The following DLGAP1 variants were observed in gnomAD, a reference collection of about 807,000 sequenced individuals.
DLGAP1 encodes DLG associated protein 1.
DLGAP1 carries 11 observed loss-of-function variants against 90.8 expected under a neutral mutation model. The ratio of observed to expected loss-of-function variants is 0.12; its 90% confidence interval spans 0.08 to 0.20. The LOEUF (loss-of-function observed/expected upper bound fraction) is 0.20. Among genes scored for constraint, DLGAP1 ranks in the 10% least tolerant of loss-of-function variants. DLGAP1 has a pLI of 1.00. For missense variants in DLGAP1, 1,050 were observed against 1,333.8 expected, an observed-to-expected ratio of 0.79 and a Z score of 3.31; for synonymous variants, 558 against 540.7, an observed-to-expected ratio of 1.03 and a Z score of -0.44.
intron 7 of DLGAP1, among the ~76,000 whole-genome samples, chr18:3,626,962 G>A (rs542886126): frequency 1.3e-5 from 2 of 152,222 alleles, no homozygotes; most frequent in African/African-American, 4.8e-5. Flanking sequence ...AACTCTGTGA[G>A]CACACACACA....
In DLGAP1 at chr18:3,582,034, G is replaced by A. The variant is rs2055555250; in HGVS notation, c.1806C>T (p.Ala602=). ...SLDSMKALTA[A]IEAANAQIHG... is the part of the protein sequence containing the mutation. ...GGATCTGGGCGTTTGCAGCTTCGAT[G>A]GCGGCTGTCAGAGCCTTCATACTGT... Residue 602 remains alanine (A), a synonymous_variant, in exon 8 of 13, where the codon GCC becomes GCT. Coordinates refer to ENST00000315677, the MANE Select transcript of DLGAP1 (RefSeq NM_004746.4). The A allele has an allele frequency of 1.2e-6, 2 of 1,613,914 alleles. No homozygotes were observed. The highest frequency in any genetic ancestry group is 2.2e-5 in the East Asian group (1 of 44,872).
intron 7 of DLGAP1, among the ~76,000 whole-genome samples, chr18:3,706,655 G>A (rs999526116): frequency 1.3e-5 from 2 of 152,176 alleles, no homozygotes; most frequent in African/African-American, 4.8e-5. Flanking sequence ...TTGCACATGT[G>A]AGACTCTGAG....
chr18:4,025,360 T>G (rs2074682351), intron 2 of DLGAP1, among the ~76,000 whole-genome samples: 1 of 152,194 alleles, frequency 6.6e-6, no homozygotes, highest in African/African-American at 2.4e-5. Context: ...CTCAAAAATT[T>G]TCAGATTTTG....
intron 1 of DLGAP1, among the ~76,000 whole-genome samples, chr18:4,278,930 G>GA (rs1219085790): frequency 6.6e-6 from 1 of 152,048 alleles, no homozygotes; most frequent in Non-Finnish European, 1.5e-5. Flanking sequence ...AAGCAAACAA[G>GA]AAAAAACCTT....
intron 2 of DLGAP1, among the ~76,000 whole-genome samples, chr18:4,126,312 G>C: frequency 6.6e-6 from 1 of 152,304 alleles, no homozygotes; most frequent in African/African-American, 2.4e-5. Flanking sequence ...AGTCAACTCA[G>C]CAGTGCACCA....
intron 1 of DLGAP1, among the ~76,000 whole-genome samples, chr18:4,286,351 A>G (rs11663711): frequency 0.034 from 5,138 of 152,228 alleles, 203 homozygotes; most frequent in African/African-American, 0.097. Flanking sequence ...AACTATTCCA[A>G]ACAGGACCGT....
intron 3 of DLGAP1, among the ~76,000 whole-genome samples, chr18:3,959,682 A>G (rs1422062168): frequency 7.2e-5 from 11 of 151,892 alleles, no homozygotes. Flanking sequence ...AGAAAGAAAG[A>G]AAGAAAGAAA....
At position 3,635,067 on chromosome 18, in the gene DLGAP1, G is replaced by A. The variant is rs141837786; in HGVS notation, c.1592-52819C>T. 3.1e-3 allele frequency among the ~76,000 whole-genome samples: 473 copies of A among 151,942 alleles called. 4 individuals are homozygous for A. The highest frequency in any genetic ancestry group is 0.011 in the African/African-American group (452 of 41,434). ...TAGAAGATACATGAAATGTCCAGAT[G>A]TTCTCTCTTACTGACCACAGAAAGT... On this transcript the variant is annotated intron_variant, in intron 7 of 12. Coordinates refer to ENST00000315677, the MANE Select transcript of DLGAP1 (RefSeq NM_004746.4).
At chr18:4,102,077 G>T (rs967417348) in intron 2 of DLGAP1, among the ~76,000 whole-genome samples, 2 of 152,074 alleles carry the variant, frequency 1.3e-5, no homozygotes, top group Non-Finnish European at 2.9e-5. Flanking sequence ...TAAAAGGACT[G>T]CTTTAACATA....
At chr18:4,122,410 G>C (rs9652948) in intron 2 of DLGAP1, among the ~76,000 whole-genome samples, 9,066 of 152,158 alleles carry the variant, frequency 0.06, 911 homozygotes, top group African/African-American at 0.2. Context: ...GGCCTTTTCC[G>C]CCACGATTAC....
intron 5 of DLGAP1, among the ~76,000 whole-genome samples, chr18:3,811,069 G>A (rs1341679106): frequency 6.6e-6 from 1 of 152,198 alleles, no homozygotes. Context: ...GCCTCCCAAA[G>A]TGCTGGGATT....
At chr18:3,957,037 T>C (rs2073098794) in intron 3 of DLGAP1, among the ~76,000 whole-genome samples, 1 of 152,196 alleles carries the variant, frequency 6.6e-6, no homozygotes, top group Non-Finnish European at 1.5e-5. Context: ...CATGTTCTAA[T>C]CCCCAGGACC....
At chr18:3,693,279 G>A (rs2060963678) in intron 7 of DLGAP1, among the ~76,000 whole-genome samples, 1 of 151,744 alleles carries the variant, frequency 6.6e-6, no homozygotes, top group African/African-American at 2.4e-5. Context: ...TAGAGATTGG[G>A]GTCTCCCTAT....
At chr18:4,447,787 T>C (rs968931477) in intron 1 of DLGAP1, among the ~76,000 whole-genome samples, 5 of 152,186 alleles carry the variant, frequency 3.3e-5, no homozygotes, top group African/African-American at 1.2e-4. Context: ...CTGGACTTGA[T>C]TCCCAATAAT....
chr18:4,249,184 T>C (rs1482529169), intron 1 of DLGAP1, among the ~76,000 whole-genome samples: 2 of 152,220 alleles, frequency 1.3e-5, no homozygotes, highest in Non-Finnish European at 2.9e-5. Context: ...CATTGCTGTA[T>C]ACTCCCTCCA....
At chr18:4,273,536 G>C (rs185663102) in intron 1 of DLGAP1, among the ~76,000 whole-genome samples, 1 of 152,162 alleles carries the variant, frequency 6.6e-6, no homozygotes, top group Non-Finnish European at 1.5e-5. Context: ...TCAAACTCCC[G>C]GGCTCAAGCA....
At position 4,288,628 on chromosome 18, in the gene DLGAP1, T is replaced by A. The variant is rs887189573; in HGVS notation, c.-266-137341A>T. 1.1e-4 allele frequency among the ~76,000 whole-genome samples: 16 copies of A among 152,238 alleles called. 1 individual carries two copies. The East Asian group carries it at 1.7e-3, about 17-fold the overall frequency. ...GGGTGGGTCTGGCTGTGCCATGTTT[T>A]CATGTGTTGCACAGCTCTCGCAGGG... On this transcript the variant is annotated intron_variant, in intron 1 of 12. Transcript: ENST00000315677.
intron 1 of DLGAP1, among the ~76,000 whole-genome samples, chr18:4,187,317 GTCTT>G (rs1464660417): frequency 2.6e-5 from 4 of 152,080 alleles, no homozygotes; most frequent in Non-Finnish European, 5.9e-5. Context: ...GAGCATCCTT[GTCTT>G]GTGCCAGTTT....
intron 7 of DLGAP1, among the ~76,000 whole-genome samples, chr18:3,693,622 T>G (rs4798113): frequency 0.54 from 81,749 of 152,092 alleles, 22,399 homozygotes; most frequent in East Asian, 0.7. Context: ...CAGGGGTAAT[T>G]GACTCAGTGC....
Sources: gnomAD v4.1 joint callset for allele counts (sites outside exome capture counted in the v4.1 genomes callset) on GRCh38, gnomAD v4.1.1 for gene constraint, MANE v1.5 for transcripts, NCBI Gene and HGNC (gene_info 2026-07-23, HGNC 2026-07-21) for gene names.